Variants in ARIH1 observed in about 807,000 individuals in gnomAD.
ARIH1 encodes the protein E3 ubiquitin-protein ligase ARIH1.
Under a neutral mutation model 85.0 loss-of-function variants are expected in ARIH1, and 8 were observed. The observed-to-expected ratio is 0.09, with a 90% CI of 0.06 to 0.17. The LOEUF is 0.17. Ranked by LOEUF, ARIH1 falls within the 10% of genes least tolerant of loss-of-function variation. The pLI, the probability that ARIH1 is intolerant of heterozygous loss-of-function variation, is 1.00. For synonymous variants in ARIH1, 238 were observed against 253.6 expected, an observed-to-expected ratio of 0.94 and a Z score of 0.59; for missense variants, 311 against 718.1, an observed-to-expected ratio of 0.43 and a Z score of 6.48.
intron 3 of ARIH1, among the ~76,000 whole-genome samples, chr15:72,545,575 C>T (rs1394890643): frequency 1.3e-5 from 2 of 152,212 alleles, no homozygotes; most frequent in Non-Finnish European, 2.9e-5. Context: ...GCCTATAATC[C>T]CAGCACTTGG....
chr15:72,578,763 A>G (rs902191449), intron 11 of ARIH1, among the ~76,000 whole-genome samples: 1 of 147,428 alleles, frequency 6.8e-6, no homozygotes, highest in East Asian at 2.0e-4. Context: ...TCAACTATCT[A>G]TTGTTCAAAT....
In ARIH1 at chr15:72,567,088, G is replaced by A. The variant is rs377372538; in HGVS notation, c.955-18G>A. ...AAAAGTCTTTTGTTGTATCCTAACC[G>A]TTGTTATTTTCAAACAGTGGTTAAA... On this transcript the variant is annotated intron_variant, in intron 8 of 13. Transcript: ENST00000379887. 1.9e-4 allele frequency: 308 copies of A among 1,588,552 alleles called. No homozygotes were observed. Among genetic ancestry groups the A allele is most frequent in the African/African-American group, 1.1e-3 (83 of 73,958 alleles).
intron 2 of ARIH1, among the ~76,000 whole-genome samples, chr15:72,526,308 C>T (rs1361615483): frequency 6.6e-6 from 1 of 152,038 alleles, no homozygotes; most frequent in Non-Finnish European, 1.5e-5. Context: ...GCCCATGGTC[C>T]CCTGAGGGCA....
chr15:72,484,187 A>G (rs930911939), intron 1 of ARIH1, among the ~76,000 whole-genome samples: 24 of 149,972 alleles, frequency 1.6e-4, no homozygotes, highest in East Asian at 3.9e-4. Flanking sequence ...AAAAAAAAAA[A>G]AAGAAGAAAA....
intron 10 of ARIH1, 35 bp from the exon 11 acceptor site, chr15:72,572,073 T>G (rs2064250739): frequency 1.4e-6 from 2 of 1,463,770 alleles, no homozygotes; most frequent in African/African-American, 2.9e-5. Context: ...ATTGATTTTT[T>G]TTTTCTTTAT....
rs753601976 is a variant in ARIH1 at position 72,599,378 on chromosome 15, A to G, written c.*16086A>G. The G allele has an allele frequency of 1.3e-5, 2 of 152,248 alleles. No individual in the cohort carries two copies. Among genetic ancestry groups the G allele is most frequent in the African/African-American group, 4.8e-5 (2 of 41,464 alleles). The allele number at this position is 152,248 out of a possible 1,614,324, so 9.4% of individuals were successfully genotyped here. On this transcript the variant is annotated 3_prime_UTR_variant, in exon 14 of 14. Transcript: ENST00000379887. ...TGGATAATACAAAGTTAAATTTTGT[A>G]GAATCATAAAGAAAAGCAACACCTT...
chr15:72,574,397 T>C, intron 11 of ARIH1, among the ~76,000 whole-genome samples: 1 of 152,232 alleles, frequency 6.6e-6, no homozygotes, highest in Non-Finnish European at 1.5e-5. Context: ...TGCATGCCTA[T>C]CTGGCCTCCT....
rs1321641574 is a variant in ARIH1 at position 72,595,079 on chromosome 15, G to GAT, written c.*11788_*11789dup. ...GAGATGCGTTTTTAGCTTTTAATAAGATTATTATGTATTTCTCTTTTTATT... is the reference window on the plus strand; with the variant it reads ...GAGATGCGTTTTTAGCTTTTAATAAGATATTATTATGTATTTCTCTTTTTATT... On this transcript the variant is annotated 3_prime_UTR_variant, in exon 14 of 14. Coordinates refer to ENST00000379887, the MANE Select transcript of ARIH1 (RefSeq NM_005744.5). 1 of 152,050 alleles carries GAT rather than the reference G, an allele frequency of 6.6e-6. No homozygotes were observed. Among genetic ancestry groups the GAT allele is most frequent in the African/African-American group, 2.4e-5 (1 of 41,412 alleles). The allele number at this position is 152,050 out of a possible 1,614,324, so 9.4% of individuals were successfully genotyped here.
Position 72,591,366 on chromosome 15 carries a change from C to G in ARIH1, c.*8074C>G, listed in dbSNP as rs1187360468. The G allele has an allele frequency of 1.3e-5, 2 of 151,650 alleles. No individual in the cohort carries two copies. Among genetic ancestry groups the G allele is most frequent in the Admixed American group, 1.3e-4 (2 of 15,196 alleles). The allele number at this position is 151,650 out of a possible 1,614,324, so 9.4% of individuals were successfully genotyped here. A position where few individuals can be genotyped will look rare whatever the true frequency, so the allele number is the denominator to read the frequency against. ...TCCTTCTGATAGCTAAAATTTGTTT[C>G]TGTATAACAGAGTAGTGCCCTATAA... On this transcript the variant is annotated 3_prime_UTR_variant, in exon 14 of 14. Coordinates refer to ENST00000379887, the MANE Select transcript of ARIH1 (RefSeq NM_005744.5).
chr15:72,517,989 A>G, intron 1 of ARIH1, 78 bp from the exon 2 acceptor site: 1 of 1,055,996 alleles, frequency 9.5e-7, no homozygotes. Context: ...GTGGAAATTT[A>G]ACTTCAACCT....
chr15:72,567,312 T>TC (rs1213078519), intron 9 of ARIH1, 135 bp downstream of exon 9: 25 of 640,608 alleles, frequency 3.9e-5, no homozygotes, highest in Middle Eastern at 2.9e-4. Context: ...TTTTTTTTTT[T>TC]CCCAGAATGT....
chr15:72,584,842 T>C lies in ARIH1; in HGVS notation c.*1550T>C, dbSNP rs1386630584. On this transcript the variant is annotated 3_prime_UTR_variant, in exon 14 of 14. Transcript: ENST00000379887. ...TTAGGCCATTCTGGCTGTGGTATTT[T>C]TCAATAGGTCAGCATCTGTAAATCT... is the stretch of plus-strand genomic sequence containing the variant. The C allele has an allele frequency of 6.6e-6, 1 of 151,608 alleles. No individual in the cohort carries two copies. The allele number at this position is 151,608 out of a possible 1,614,324, so 9.4% of individuals were successfully genotyped here. A position where few individuals can be genotyped will look rare whatever the true frequency, so the allele number is the denominator to read the frequency against.
At position 72,563,483 on chromosome 15, in the gene ARIH1, A is replaced by T; in HGVS notation, c.894A>T (p.Lys298Asn). The change falls in exon 7 of 14, where the codon AAA (lysine) becomes AAT (asparagine). Residue 298 changes from lysine (K) to asparagine (N), a missense_variant. This residue lies in a region of ARIH1 where 104 missense variants were observed against 221.4 expected (regional missense o/e 0.47). Coordinates refer to ENST00000379887, the MANE Select transcript of ARIH1 (RefSeq NM_005744.5). Reference sequence around the variant, plus strand: ...CTGATGCTAAACCTGTTCGCTGCAAATGTGGGCGCCAATTTTGGTAAGCAA... The same window carrying T: ...CTGATGCTAAACCTGTTCGCTGCAATTGTGGGCGCCAATTTTGGTAAGCAA... ...QYPDAKPVRC[K>N]CGRQFCFNCG... 6.2e-7 allele frequency: 1 copy of T among 1,614,048 alleles called. No homozygotes were observed. Among genetic ancestry groups the T allele is most frequent in the Non-Finnish European group, 8.5e-7 (1 of 1,179,924 alleles).
chr15:72,580,663 T>A, intron 11 of ARIH1, 68 bp from the exon 12 acceptor site: 2 of 1,428,544 alleles, frequency 1.4e-6, no homozygotes, highest in Non-Finnish European at 1.9e-6. Flanking sequence ...GGTTTTAATT[T>A]GATAATCAGC....
At chr15:72,506,114 C>T (rs373470967) in intron 1 of ARIH1, among the ~76,000 whole-genome samples, 93 of 151,898 alleles carry the variant, frequency 6.1e-4, no homozygotes, top group African/African-American at 2.0e-3. Context: ...TTGGGGAGGC[C>T]GAGGCGGGCG....
intron 1 of ARIH1, among the ~76,000 whole-genome samples, chr15:72,504,717 G>T (rs1184868091): frequency 6.6e-6 from 1 of 152,128 alleles, no homozygotes; most frequent in African/African-American, 2.4e-5. Flanking sequence ...ATCGGCAGAC[G>T]GAAGTTCTCA....
At chr15:72,505,194 A>C (rs1307491037) in intron 1 of ARIH1, among the ~76,000 whole-genome samples, 1 of 152,218 alleles carries the variant, frequency 6.6e-6, no homozygotes. Context: ...CTGGGATTCT[A>C]CATTTCTCAC....
chr15:72,563,688 TCTTTC>T (rs1767470564), intron 7 of ARIH1, among the ~76,000 whole-genome samples, 188 bp downstream of exon 7: 1 of 152,208 alleles, frequency 6.6e-6, no homozygotes, highest in Admixed American at 6.5e-5. Context: ...AAATTTTTCC[TCTTTC>T]CTTGATGTTC....
intron 2 of ARIH1, among the ~76,000 whole-genome samples, chr15:72,528,087 GTCTT>G (rs2064038453): frequency 6.6e-6 from 1 of 152,068 alleles, no homozygotes; most frequent in South Asian, 2.1e-4. Context: ...AAAAAAAAGT[GTCTT>G]TCTTGCAGCT....
Sources: gnomAD v4.1 joint callset for allele counts (sites outside exome capture counted in the v4.1 genomes callset) on GRCh38, gnomAD v4.1.1 for gene constraint, gnomAD v4.1.1 regional missense constraint, MANE v1.5 for transcripts, NCBI Gene and HGNC (gene_info 2026-07-23, HGNC 2026-07-21) for gene names.